The following B4GALNT2 variants were observed in gnomAD, a reference collection of about 807,000 sequenced individuals.
B4GALNT2 encodes the protein beta-1,4-N-acetyl-galactosaminyltransferase 2 (SID blood group).
In B4GALNT2, 42 loss-of-function variants were observed where a neutral mutation model predicts 51.1. The observed-to-expected ratio is 0.82, with a 90% CI of 0.64 to 1.06. The LOEUF (loss-of-function observed/expected upper bound fraction) is 1.06, where lower values mean the gene tolerates loss of function less well. B4GALNT2 is among the 50% of genes least tolerant of loss of function. The pLI is 0.00. For synonymous variants in B4GALNT2, 253 were observed against 251.7 expected (o/e 1.01, Z -0.05); for missense variants, 602 against 633.6 (o/e 0.95, Z 0.54).
At chr17:49,135,302 G>A (rs993017008) in intron 1 of B4GALNT2, among the ~76,000 whole-genome samples, 2 of 151,458 alleles carry the variant, frequency 1.3e-5, no homozygotes, top group Non-Finnish European at 2.9e-5. Context: ...AATAACTGTG[G>A]CCTTATCATA....
chr17:49,174,387 T>A lies in B4GALNT2; in HGVS notation c.*4659T>A, dbSNP rs2042975366. 2 of 152,202 alleles carry A rather than the reference T, an allele frequency of 1.3e-5. No homozygotes were observed. Among genetic ancestry groups the A allele is most frequent in the African/African-American group, 4.8e-5 (2 of 41,456 alleles). 9.4% of individuals were successfully genotyped at this position (152,202 alleles called of 1,614,324 possible). A position where few individuals can be genotyped will look rare whatever the true frequency, so the allele number is the denominator to read the frequency against. On this transcript the variant is annotated 3_prime_UTR_variant, in exon 11 of 11. Transcript: ENST00000393354. ...TGAAAATGCTTAGCAGGCTGCAGGTTGTTTACTGCAGGAATTGTAAATGCA... is the reference window on the plus strand; with the variant it reads ...TGAAAATGCTTAGCAGGCTGCAGGTAGTTTACTGCAGGAATTGTAAATGCA...
At chr17:49,145,315 C>A (rs1160271488) in intron 3 of B4GALNT2, among the ~76,000 whole-genome samples, 1 of 152,132 alleles carries the variant, frequency 6.6e-6, no homozygotes, top group Non-Finnish European at 1.5e-5. Context: ...CAATCCCCAA[C>A]CCAAATACTA....
the B4GALNT2 span, among the ~76,000 whole-genome samples, chr17:49,124,258 C>T: frequency 6.0e-3 from 910 of 152,300 alleles, 4 homozygotes; most frequent in African/African-American, 0.021. Flanking sequence ...TTTAGCTCTT[C>T]GAGAGTCCTG....
In B4GALNT2 at chr17:49,169,658, A is replaced by T. The variant is rs966582248; in HGVS notation, c.1451A>T (p.Asn484Ile). 17 of 1,610,960 alleles carry T rather than the reference A, an allele frequency of 1.1e-5. No individual in the cohort carries two copies. Among genetic ancestry groups the T allele is most frequent in the Non-Finnish European group, 1.4e-5 (17 of 1,178,060 alleles). The change falls in exon 11 of 11, where the codon AAC becomes ATC. Residue 484 changes from asparagine to isoleucine, a missense_variant. By Grantham distance (149) the Asn-to-Ile change is moderately radical. Coordinates refer to ENST00000393354, the MANE Select transcript of B4GALNT2 (RefSeq NM_001159387.2). ...AAGACCTACAATACATACCGGTCCA[A>T]CACCCTCACCCGGGTCCAGTTCAAG... Reference protein sequence around the residue: ...LEKTYNTYRSNTLTRVQFKLA... With the variant: ...LEKTYNTYRSITLTRVQFKLA...
the B4GALNT2 span, among the ~76,000 whole-genome samples, chr17:49,124,901 A>C: frequency 2.0e-5 from 3 of 152,326 alleles, no homozygotes; most frequent in African/African-American, 7.2e-5. Flanking sequence ...CTTCAACTTT[A>C]GCCAATATGT....
At chr17:49,162,678 G>T (rs1361110078) in intron 7 of B4GALNT2, among the ~76,000 whole-genome samples, 2 of 152,046 alleles carry the variant, frequency 1.3e-5, no homozygotes, top group Non-Finnish European at 2.9e-5. Context: ...GGAGGCCGAG[G>T]TGAGCAGATC....
chr17:49,139,480 C>A (rs1440567991), intron 1 of B4GALNT2, among the ~76,000 whole-genome samples: 1 of 152,138 alleles, frequency 6.6e-6, no homozygotes, highest in South Asian at 2.1e-4. Context: ...CCTGCCTCGG[C>A]CCCCCAAAGT....
chr17:49,158,771 C>T (rs955013483), intron 5 of B4GALNT2, among the ~76,000 whole-genome samples: 8 of 151,566 alleles, frequency 5.3e-5, no homozygotes, highest in African/African-American at 1.5e-4. Flanking sequence ...CCAAGAAGAA[C>T]GGAACCCTGC....
Position 49,159,619 on chromosome 17 carries a change from C to A in B4GALNT2, c.679+402C>A, listed in dbSNP as rs534506142. On this transcript the variant is annotated intron_variant, in intron 6 of 10. Transcript: ENST00000393354. ...CCTCCCAAAGTGCTGGGATTACAGG[C>A]GTGAGCTACAGCGTCTGGCCTGCCT... Among the ~76,000 whole-genome samples the A allele has an allele frequency of 1.2e-4, 19 of 152,286 alleles. 1 individual carries two copies. Among genetic ancestry groups the A allele is most frequent in the Non-Finnish European group, 2.6e-4 (18 of 68,020 alleles).
chr17:49,123,680 C>G, the B4GALNT2 span, among the ~76,000 whole-genome samples: 1 of 152,166 alleles, frequency 6.6e-6, no homozygotes, highest in Non-Finnish European at 1.5e-5. Flanking sequence ...CTGAGCCCAG[C>G]CATGGAATTA....
chr17:49,125,861 G>T, the B4GALNT2 span, among the ~76,000 whole-genome samples: 16 of 131,026 alleles, frequency 1.2e-4, no homozygotes, highest in African/African-American at 4.4e-4. Context: ...CAGCCACCCC[G>T]TCCGGGAGGG....
At chr17:49,127,637 T>A (rs575622376), upstream of B4GALNT2, among the ~76,000 whole-genome samples, 343 of 151,372 alleles carry the variant, frequency 2.3e-3, no homozygotes, top group African/African-American at 7.6e-3. Context: ...TTATAAGATT[T>A]AAAAAAAAAA....
chr17:49,167,983 T>G (rs180949919), intron 9 of B4GALNT2, among the ~76,000 whole-genome samples: 1 of 152,208 alleles, frequency 6.6e-6, no homozygotes, highest in African/African-American at 2.4e-5. Flanking sequence ...TATGCCTGCA[T>G]GTACCCATTG....
chr17:49,131,791 A>T (rs1455999550), upstream of B4GALNT2, among the ~76,000 whole-genome samples: 1 of 152,092 alleles, frequency 6.6e-6, no homozygotes, highest in Non-Finnish European at 1.5e-5. Context: ...GATTACACAC[A>T]TGAGACACCG....
chr17:49,146,620 C>T (rs978797925), intron 3 of B4GALNT2, among the ~76,000 whole-genome samples: 2 of 152,142 alleles, frequency 1.3e-5, no homozygotes, highest in Non-Finnish European at 2.9e-5. Flanking sequence ...CCAACACTGT[C>T]TTTTCTTAAT....
chr17:49,168,987 C>T, intron 10 of B4GALNT2, 87 bp downstream of exon 10: 1 of 1,365,194 alleles, frequency 7.3e-7, no homozygotes, highest in Non-Finnish European at 1.0e-6. Flanking sequence ...ACCCGGCTGG[C>T]TGATCATAGT....
chr17:49,162,227 T>A (rs1462915402), intron 7 of B4GALNT2, among the ~76,000 whole-genome samples: 1 of 152,040 alleles, frequency 6.6e-6, no homozygotes, highest in African/African-American at 2.4e-5. Context: ...TCGATTCACA[T>A]TAAAGACAAA....
upstream of B4GALNT2, among the ~76,000 whole-genome samples, chr17:49,131,464 A>G (rs895412523): frequency 2.1e-4 from 6 of 29,158 alleles, no homozygotes; most frequent in African/African-American, 1.0e-3. Context: ...CAGACTCCGA[A>G]AAAAAAAAAA....
chr17:49,126,842 G>A, the B4GALNT2 span, among the ~76,000 whole-genome samples: 1 of 151,796 alleles, frequency 6.6e-6, no homozygotes, highest in South Asian at 2.1e-4. Flanking sequence ...GGGACTATAG[G>A]TACGTGCCAC....
Sources: allele counts gnomAD v4.1 joint callset (sites outside exome capture counted in the v4.1 genomes callset), GRCh38; gene constraint gnomAD v4.1.1; transcripts MANE v1.5; gene names NCBI Gene and HGNC (gene_info 2026-07-23, HGNC 2026-07-21).